CFAP44: variants seen among roughly 807,000 people sequenced by gnomAD.
CFAP44 encodes the protein cilia- and flagella-associated protein 44.
A neutral mutation model predicts 216.2 loss-of-function variants in CFAP44; 134 were observed. That is an observed-to-expected ratio of 0.62 (90% CI 0.54 to 0.72). CFAP44 has a LOEUF of 0.72. Among genes scored for constraint, CFAP44 ranks in the 30% least tolerant of loss-of-function variants. The pLI is 0.00. For synonymous variants in CFAP44, 700 were observed against 727.6 expected (o/e 0.96, Z 0.61); for missense variants, 2,035 against 2,182.1 (o/e 0.93, Z 1.34).
Position 113,381,047 on chromosome 3 carries a change from A to G in CFAP44, c.1904T>C (p.Leu635Ser). The G allele has an allele frequency of 3.8e-6, 6 of 1,568,210 alleles. No homozygotes were observed. Among genetic ancestry groups the G allele is most frequent in the Non-Finnish European group, 5.2e-6 (6 of 1,161,718 alleles). Residue 635 changes from leucine to serine, a missense_variant, in exon 16 of 35, where the codon TTA becomes TCA. Leu to Ser is a moderately radical substitution (Grantham distance 145). Coordinates refer to ENST00000393845, the MANE Select transcript of CFAP44 (RefSeq NM_001164496.2). ...ATAGCCATTTTCACAGATAATTAGT[A>G]AAGTACTTTCAGGCTAAAAAAGAAA... ...WSPMSHPESTLLIICENGYIL... is the reference protein window; with the variant it reads ...WSPMSHPESTSLIICENGYIL...
intron 18 of CFAP44, among the ~76,000 whole-genome samples, chr3:113,369,374 A>C (rs1220027822): frequency 6.6e-6 from 1 of 152,208 alleles, no homozygotes; most frequent in Non-Finnish European, 1.5e-5. Flanking sequence ...AGAAATCACA[A>C]CAGTCTCTCA....
At chr3:113,347,976 G>T (rs867199532) in intron 22 of CFAP44, among the ~76,000 whole-genome samples, 55 of 152,190 alleles carry the variant, frequency 3.6e-4, no homozygotes, top group African/African-American at 1.3e-3. Flanking sequence ...AGGTTTTCAA[G>T]AATGCATTGG....
intron 32 of CFAP44, among the ~76,000 whole-genome samples, chr3:113,300,199 T>C (rs889803724): frequency 5.9e-5 from 9 of 152,034 alleles, no homozygotes; most frequent in African/African-American, 2.2e-4. Context: ...GAATGACAGT[T>C]ACTAGAGTCT....
Position 113,343,378 on chromosome 3 carries a change from A to AT in CFAP44, c.3262+1137dup, listed in dbSNP as rs546950908. On this transcript the variant is annotated intron_variant, in intron 23 of 34. Transcript: ENST00000393845. ...ACACCTGGTCTACTAACAAGTTCCT[A>AT]TTGGGGAATTACTCTATTCGTGTTC... 7.2e-5 allele frequency among the ~76,000 whole-genome samples: 11 copies of AT among 152,252 alleles called. No homozygotes were observed. The South Asian group carries it at 2.1e-3, about 29-fold the overall frequency.
intron 17 of CFAP44, among the ~76,000 whole-genome samples, chr3:113,375,188 A>G (rs898023131): frequency 6.6e-6 from 1 of 152,226 alleles, no homozygotes; most frequent in African/African-American, 2.4e-5. Context: ...GGGAAGAATC[A>G]GGAGTTATCA....
intron 28 of CFAP44, among the ~76,000 whole-genome samples, chr3:113,309,229 T>C (rs1031012708): frequency 2.0e-5 from 3 of 152,230 alleles, no homozygotes. Flanking sequence ...ACTTGATATC[T>C]GATCAAATTC....
chr3:113,354,615 C>G (rs780745079), intron 22 of CFAP44, among the ~76,000 whole-genome samples: 15 of 152,166 alleles, frequency 9.9e-5, no homozygotes, highest in Non-Finnish European at 1.5e-4. Flanking sequence ...CTCCATCCCC[C>G]ACAGCAGCCA....
chr3:113,404,712 C>G (rs143587726), intron 8 of CFAP44, among the ~76,000 whole-genome samples: 363 of 152,228 alleles, frequency 2.4e-3, no homozygotes, highest in African/African-American at 8.2e-3. Context: ...TCTCCTAGAA[C>G]AAACAGCTTT....
At chr3:113,344,435 G>T in intron 23 of CFAP44, 81 bp downstream of exon 23, 1 of 1,245,802 alleles carries the variant, frequency 8.0e-7, no homozygotes, top group Non-Finnish European at 1.1e-6. Context: ...ACCAAAGAAG[G>T]TTCAATGGTT....
At chr3:113,373,655 A>T in intron 17 of CFAP44, 99 bp from the exon 18 acceptor site, 5 of 1,068,422 alleles carry the variant, frequency 4.7e-6, no homozygotes, top group Non-Finnish European at 6.2e-6. Flanking sequence ...AACATAAAAT[A>T]GATGTTTTCA....
intron 8 of CFAP44, among the ~76,000 whole-genome samples, chr3:113,405,247 T>C (rs1934246174): frequency 6.6e-6 from 1 of 152,212 alleles, no homozygotes; most frequent in Non-Finnish European, 1.5e-5. Context: ...TTCTTAAGCC[T>C]CAGCCATTTA....
In CFAP44 at chr3:113,358,965, C is replaced by CA. The variant is rs1950514670; in HGVS notation, c.2935-91dup. 4 of 1,393,966 alleles carry CA rather than the reference C, an allele frequency of 2.9e-6. No individual in the cohort carries two copies. The African/African-American group carries it at 4.4e-5, about 15-fold the overall frequency. 86.3% of individuals were successfully genotyped at this position (1,393,966 alleles called of 1,614,324 possible). On this transcript the variant is annotated intron_variant, in intron 21 of 34. Coordinates refer to ENST00000393845, the MANE Select transcript of CFAP44 (RefSeq NM_001164496.2). Reference sequence around the variant, plus strand: ...TTTTGTCCCCAGTTTCATGCTGCATCATAACTCTTCCCCAAATATCATAAA... The same window carrying CA: ...TTTTGTCCCCAGTTTCATGCTGCATCAATAACTCTTCCCCAAATATCATAAA...
intron 28 of CFAP44, among the ~76,000 whole-genome samples, chr3:113,315,844 A>G (rs1421688780): frequency 2.0e-5 from 3 of 152,004 alleles, no homozygotes; most frequent in East Asian, 1.9e-4. Flanking sequence ...CCAGGCTAAC[A>G]TAAGTGTTCT....
chr3:113,341,746 T>C lies in CFAP44; in HGVS notation c.3435A>G (p.Glu1145=), dbSNP rs914350795. 6.8e-7 allele frequency: 1 copy of C among 1,478,662 alleles called. No homozygotes were observed. The highest frequency in any genetic ancestry group is 1.4e-5 in the African/African-American group (1 of 69,542). The allele number at this position is 1,478,662 out of a possible 1,614,324, so 91.6% of individuals were successfully genotyped here. A position where few individuals can be genotyped will look rare whatever the true frequency, so the allele number is the denominator to read the frequency against. ...KIQQRKKEWE[E]LYKSKPGDDY... is the part of the protein sequence containing the mutation. Reference sequence around the variant, plus strand: ...AGTTTAGGTAAAAAAAAACTCACAGTTCCTCCCATTCTTTTTTTCGCTGTT... The same window carrying C: ...AGTTTAGGTAAAAAAAAACTCACAGCTCCTCCCATTCTTTTTTTCGCTGTT... The change falls in exon 24 of 35, where the codon GAA becomes GAG. Residue 1145 remains glutamate (E), a splice_region_variant and synonymous_variant. Transcript: ENST00000393845.
chr3:113,372,822 T>A (rs1933214627), intron 18 of CFAP44, among the ~76,000 whole-genome samples: 1 of 152,040 alleles, frequency 6.6e-6, no homozygotes, highest in Non-Finnish European at 1.5e-5. Context: ...AAGGCAAATA[T>A]CTATAAGTTA....
chr3:113,415,242 T>G (rs765137664), intron 6 of CFAP44, among the ~76,000 whole-genome samples: 7 of 152,034 alleles, frequency 4.6e-5, no homozygotes, highest in Non-Finnish European at 8.8e-5. Context: ...ATCTATTTGA[T>G]TCTTCTCTTC....
At chr3:113,316,528 T>C (rs1270777067) in intron 28 of CFAP44, among the ~76,000 whole-genome samples, 2 of 152,118 alleles carry the variant, frequency 1.3e-5, no homozygotes, top group African/African-American at 4.8e-5. Context: ...ATCAGTTGAA[T>C]TGACAAACCT....
At position 113,343,009 on chromosome 3, in the gene CFAP44, T is replaced by A. The variant is rs189879917; in HGVS notation, c.3263-1091A>T. ...AAAAATAAATAAATAAATAAAAAATTAAAAAAAAATGGCTGTATCAACTAA... is the reference window on the plus strand; with the variant it reads ...AAAAATAAATAAATAAATAAAAAATAAAAAAAAAATGGCTGTATCAACTAA... On this transcript the variant is annotated intron_variant, in intron 23 of 34. Transcript: ENST00000393845. Among the ~76,000 whole-genome samples, 185 of 129,584 alleles carry A rather than the reference T, an allele frequency of 1.4e-3. 1 individual carries two copies. Among genetic ancestry groups the A allele is most frequent in the African/African-American group, 4.8e-3 (140 of 29,034 alleles). 85.0% of individuals were successfully genotyped at this position (129,584 alleles called of 152,430 possible).
At chr3:113,291,838 G>T in intron 34 of CFAP44, 90 bp from the exon 35 acceptor site, 2 of 1,380,710 alleles carry the variant, frequency 1.4e-6, no homozygotes, top group South Asian at 1.4e-5. Context: ...ATGAGTGCTG[G>T]CCTGACAGTC....
Sources: allele counts gnomAD v4.1 joint callset (sites outside exome capture counted in the v4.1 genomes callset), GRCh38; gene constraint gnomAD v4.1.1; transcripts MANE v1.5; gene names NCBI Gene and HGNC (gene_info 2026-07-23, HGNC 2026-07-21).